PRDM11: variants seen among roughly 807,000 people sequenced by gnomAD.
PRDM11 encodes PR/SET domain 11.
A neutral mutation model predicts 97.8 loss-of-function variants in PRDM11; 20 were observed. The observed-to-expected ratio is 0.20, with a 90% CI of 0.14 to 0.30. The LOEUF is 0.30. Among genes scored for constraint, PRDM11 ranks in the 10% least tolerant of loss-of-function variants. The pLI is 1.00. For missense variants in PRDM11, 1,139 were observed against 1,555.2 expected, an observed-to-expected ratio of 0.73 and a Z score of 4.50; for synonymous variants, 599 against 637.7, an observed-to-expected ratio of 0.94 and a Z score of 0.91.
rs1019585738 is a variant in PRDM11 at position 45,125,501 on chromosome 11, A to G, written c.96+29600A>G. Reference sequence around the variant, plus strand: ...TAGTGCTATAAATTTCCCTCTACACACTGCTTTGAATGTGTCCCAGAGATT... The same window carrying G: ...TAGTGCTATAAATTTCCCTCTACACGCTGCTTTGAATGTGTCCCAGAGATT... On this transcript the variant is annotated intron_variant, in intron 1 of 6. Transcript: ENST00000530656. Among the ~76,000 whole-genome samples the G allele has an allele frequency of 4.4e-3, 672 of 152,190 alleles. 7 individuals are homozygous for G. The highest frequency in any genetic ancestry group is 0.015 in the African/African-American group (617 of 41,512).
At chr11:45,118,829 C>T (rs917589007) in intron 1 of PRDM11, among the ~76,000 whole-genome samples, 26 of 152,098 alleles carry the variant, frequency 1.7e-4, no homozygotes, top group Admixed American at 1.6e-3. Flanking sequence ...TTCTACTCAG[C>T]ATAGCACTGA....
At chr11:45,119,981 T>C (rs945242731) in intron 1 of PRDM11, among the ~76,000 whole-genome samples, 1 of 152,028 alleles carries the variant, frequency 6.6e-6, no homozygotes, top group African/African-American at 2.4e-5. Flanking sequence ...TGAAAATAAA[T>C]ACAGGAAAAG....
intron 1 of PRDM11, among the ~76,000 whole-genome samples, chr11:45,167,250 A>G (rs190190726): frequency 1.7e-3 from 257 of 152,358 alleles, no homozygotes; most frequent in Admixed American, 0.016. Context: ...CCATGAATAC[A>G]TGAGAAGGTT....
rs1227594536 is a variant in PRDM11 at position 45,229,808 on chromosome 11, A to G, written c.*1649A>G. On this transcript the variant is annotated 3_prime_UTR_variant, in exon 8 of 8. Transcript: ENST00000683152. The stretch of plus-strand genomic sequence containing the variant: ...TATACATGTGGTCAGTTCTGCTGAG[A>G]GCTTCATCTCTTGGTTGGCAGAGGG... 6.6e-6 allele frequency: 1 copy of G among 152,152 alleles called. No homozygotes were observed. Among genetic ancestry groups the G allele is most frequent in the Non-Finnish European group, 1.5e-5 (1 of 68,048 alleles). 9.4% of individuals were successfully genotyped at this position (152,152 alleles called of 1,614,324 possible).
At chr11:45,124,013 T>C (rs1487625307) in intron 1 of PRDM11, among the ~76,000 whole-genome samples, 43 of 149,124 alleles carry the variant, frequency 2.9e-4, no homozygotes, top group African/African-American at 1.1e-3. Context: ...TATCCTCTTT[T>C]ATTTCATTGA....
Position 45,227,995 on chromosome 11 carries a change from A to G in PRDM11, c.3370A>G (p.Ile1124Val). The change falls in exon 8 of 8, where the codon ATC (isoleucine) becomes GTC (valine). Residue 1124 changes from isoleucine (I) to valine (V), a missense_variant. Coordinates refer to ENST00000683152, the MANE Select transcript of PRDM11 (RefSeq NM_001384648.1). The surrounding 1 kb of genome is among the most constrained non-coding windows in gnomAD (Gnocchi z 8.0). ...GACAATCGCTGTAAACGGACCGCCAATCACCAACTTTGATGCCAAGCGAGC... is the reference window on the plus strand; with the variant it reads ...GACAATCGCTGTAAACGGACCGCCAGTCACCAACTTTGATGCCAAGCGAGC... ...LLTIAVNGPP[I>V]TNFDAKRALD... 1.3e-6 allele frequency: 2 copies of G among 1,533,800 alleles called. No homozygotes were observed. Among genetic ancestry groups the G allele is most frequent in the Non-Finnish European group, 1.7e-6 (2 of 1,146,710 alleles).
rs1854065908 is a variant in PRDM11 at position 45,219,770 on chromosome 11, C to A, written c.742+13C>A. 2.5e-6 allele frequency: 4 copies of A among 1,610,036 alleles called. No individual in the cohort carries two copies. Among genetic ancestry groups the A allele is most frequent in the Non-Finnish European group, 3.4e-6 (4 of 1,177,790 alleles). On this transcript the variant is annotated intron_variant, in intron 6 of 7. Transcript: ENST00000683152. This position sits in a 1 kb window ranked among gnomAD's most constrained non-coding sequence, Gnocchi z 4.2. The stretch of plus-strand genomic sequence containing the variant: ...AACCTGGCCAGAGGTGAGTGCCATG[C>A]TCCACATGAGCTGCGCCCACCTCTG...
At chr11:45,139,538 G>C (rs1005094078) in intron 1 of PRDM11, among the ~76,000 whole-genome samples, 2 of 130,324 alleles carry the variant, frequency 1.5e-5, no homozygotes, top group African/African-American at 6.0e-5. Flanking sequence ...CTGCACTCCA[G>C]CCTGGGTGAC....
chr11:45,116,096 A>T (rs530231307), intron 1 of PRDM11, among the ~76,000 whole-genome samples: 1 of 152,348 alleles, frequency 6.6e-6, no homozygotes, highest in East Asian at 1.9e-4. Context: ...ACAATTACAT[A>T]CAAATGTGTA....
chr11:45,179,169 C>A (rs1330100861), intron 1 of PRDM11, among the ~76,000 whole-genome samples: 2 of 152,106 alleles, frequency 1.3e-5, no homozygotes, highest in African/African-American at 4.8e-5. Context: ...GAGCCCCATG[C>A]AAAGCAGTCC....
At chr11:45,106,336 C>T (rs1852061637) in intron 1 of PRDM11, among the ~76,000 whole-genome samples, 1 of 152,176 alleles carries the variant, frequency 6.6e-6, no homozygotes, top group Non-Finnish European at 1.5e-5. Context: ...CCTGCCACCT[C>T]TTGGGGTGCA....
chr11:45,106,730 T>C (rs995182651), intron 1 of PRDM11, among the ~76,000 whole-genome samples: 13 of 152,186 alleles, frequency 8.5e-5, no homozygotes, highest in African/African-American at 2.9e-4. Context: ...ACGTGGTCTG[T>C]GAGTTCTTTT....
At position 45,227,550 on chromosome 11, in the gene PRDM11, C is replaced by T. The variant is rs560542249; in HGVS notation, c.2925C>T (p.Phe975=). The T allele has an allele frequency of 1.4e-5, 22 of 1,533,880 alleles. 1 individual carries two copies. Among genetic ancestry groups the T allele is most frequent in the African/African-American group, 5.5e-5 (4 of 73,080 alleles). Residue 975 remains phenylalanine, a synonymous_variant, in exon 8 of 8, where the codon TTC becomes TTT. Coordinates refer to ENST00000683152, the MANE Select transcript of PRDM11 (RefSeq NM_001384648.1). This position sits in a 1 kb window ranked among gnomAD's most constrained non-coding sequence, Gnocchi z 8.0. ...QKTQVILAQR[F]DSRSRIFVKA... is the part of the protein sequence containing the mutation. ...CCCAGGTCATCCTGGCTCAGAGGTTCGACTCCCGCAGCCGGATCTTTGTGA... is the reference window on the plus strand; with the variant it reads ...CCCAGGTCATCCTGGCTCAGAGGTTTGACTCCCGCAGCCGGATCTTTGTGA...
chr11:45,187,114 C>G (rs1433863972), intron 4 of PRDM11, among the ~76,000 whole-genome samples: 1 of 152,108 alleles, frequency 6.6e-6, no homozygotes, highest in African/African-American at 2.4e-5. Flanking sequence ...TTATGAGGAG[C>G]AGGGGCCATG....
intron 1 of PRDM11, among the ~76,000 whole-genome samples, chr11:45,098,522 AG>A (rs1273284619): frequency 6.6e-6 from 1 of 152,178 alleles, no homozygotes; most frequent in African/African-American, 2.4e-5. Flanking sequence ...TCCACTTTAC[AG>A]GTGGGAAACC....
chr11:45,206,356 G>T (rs1853509611), intron 5 of PRDM11, among the ~76,000 whole-genome samples: 2 of 152,236 alleles, frequency 1.3e-5, no homozygotes, highest in South Asian at 2.1e-4. Flanking sequence ...GGCCAGGATT[G>T]TGTCTGGGGA....
chr11:45,128,491 A>C (rs73464554), intron 1 of PRDM11, among the ~76,000 whole-genome samples: 5,796 of 151,452 alleles, frequency 0.038, 409 homozygotes, highest in African/African-American at 0.13. Flanking sequence ...CATCTTGGCT[A>C]CACCCCGCGC....
At chr11:45,201,666 T>TA (rs1853330463) in intron 4 of PRDM11, among the ~76,000 whole-genome samples, 1 of 152,076 alleles carries the variant, frequency 6.6e-6, no homozygotes, top group Non-Finnish European at 1.5e-5. Flanking sequence ...GCTAATTTTT[T>TA]AAAAAATTCT....
At chr11:45,125,136 TG>T (rs1186676804) in intron 1 of PRDM11, among the ~76,000 whole-genome samples, 1 of 152,118 alleles carries the variant, frequency 6.6e-6, no homozygotes, top group Admixed American at 6.5e-5. Flanking sequence ...TAGAGGTGTT[TG>T]TAGTATTCTC....
Sources: gnomAD v4.1 joint callset for allele counts (sites outside exome capture counted in the v4.1 genomes callset) on GRCh38, gnomAD v4.1.1 for gene constraint, Gnocchi (gnomAD v3.1) non-coding constraint, MANE v1.5 for transcripts, NCBI Gene and HGNC (gene_info 2026-07-23, HGNC 2026-07-21) for gene names.